SCN11A: variants seen among roughly 807,000 people sequenced by gnomAD.
SCN11A encodes sodium voltage-gated channel alpha subunit 11, also known as sodium channel protein type 11 subunit alpha.
In SCN11A, 122 loss-of-function variants were observed where a neutral mutation model predicts 162.2. The ratio of observed to expected loss-of-function variants is 0.75; its 90% CI spans 0.65 to 0.87. SCN11A has a LOEUF of 0.87. Among genes scored for constraint, SCN11A ranks in the 40% least tolerant of loss-of-function variants. The pLI is 0.00. For synonymous variants in SCN11A, 758 were observed against 751.5 expected (o/e 1.01, Z -0.14); for missense variants, 2,015 against 2,181.6 (o/e 0.92, Z 1.52).
At chr3:38,926,665 A>G in intron 8 of SCN11A, 138 bp downstream of exon 8, 1 of 880,888 alleles carries the variant, frequency 1.1e-6, no homozygotes, top group Non-Finnish European at 1.8e-6. Context: ...TTCAGGGCCA[A>G]CCAACACAGC....
At chr3:38,906,074 A>G (rs568866588) in intron 14 of SCN11A, among the ~76,000 whole-genome samples, 1 of 152,240 alleles carries the variant, frequency 6.6e-6, no homozygotes, top group South Asian at 2.1e-4. Flanking sequence ...ATCTCTCCCT[A>G]TTACTACAGC....
intron 27 of SCN11A, 96 bp downstream of exon 27, chr3:38,867,225 C>G: frequency 8.3e-7 from 1 of 1,199,754 alleles, no homozygotes; most frequent in South Asian, 1.3e-5. Context: ...ATCATAAAGG[C>G]TACTTTGTAT....
chr3:38,969,763 G>A (rs898574690), intron 2 of SCN11A, among the ~76,000 whole-genome samples: 1 of 152,190 alleles, frequency 6.6e-6, no homozygotes, highest in Non-Finnish European at 1.5e-5. Flanking sequence ...TCTGATAACC[G>A]AAGTTCAAGC....
chr3:38,990,770 G>A (rs1348990505), intron 2 of SCN11A, among the ~76,000 whole-genome samples: 1 of 152,108 alleles, frequency 6.6e-6, no homozygotes, highest in Non-Finnish European at 1.5e-5. Flanking sequence ...GGCATGAAAA[G>A]GTTAAGAAAC....
At chr3:38,852,555 G>A (rs1164704310) in intron 28 of SCN11A, among the ~76,000 whole-genome samples, 1 of 152,178 alleles carries the variant, frequency 6.6e-6, no homozygotes, top group Non-Finnish European at 1.5e-5. Flanking sequence ...CTATACCTCA[G>A]TATGAATTTT....
At chr3:38,881,539 C>T (rs1241781279) in intron 22 of SCN11A, among the ~76,000 whole-genome samples, 1 of 152,160 alleles carries the variant, frequency 6.6e-6, no homozygotes, top group African/African-American at 2.4e-5. Context: ...CATTTTCTGA[C>T]ACAGGAAGCT....
At position 38,897,108 on chromosome 3, in the gene SCN11A, T is replaced by C; in HGVS notation, c.2140A>G (p.Ile714Val). Residue 714 changes from isoleucine to valine, a missense_variant, in exon 18 of 30, where the codon ATT (isoleucine) becomes GTT (valine). By Grantham distance (29) the Ile-to-Val change is conservative. Coordinates refer to ENST00000302328, the MANE Select transcript of SCN11A (RefSeq NM_001349253.2). ...LTVVLVIVIF[I>V]FSVVGMQLFG... The stretch of plus-strand genomic sequence containing the variant: ...AGCTGCATGCCAACTACTGAGAAAA[T>C]AAAGATCACAATGACCAGGACCACA... 1 of 1,613,844 alleles carries C rather than the reference T, an allele frequency of 6.2e-7. No individual in the cohort carries two copies.
chr3:39,002,030 C>A (rs186286019), intron 2 of SCN11A, among the ~76,000 whole-genome samples: 8 of 151,474 alleles, frequency 5.3e-5, no homozygotes, highest in African/African-American at 7.3e-5. Flanking sequence ...GAGTGAGACT[C>A]CGTCTCAAAA....
intron 2 of SCN11A, among the ~76,000 whole-genome samples, chr3:39,003,724 G>C (rs549701048): frequency 6.6e-6 from 1 of 152,102 alleles, no homozygotes; most frequent in Non-Finnish European, 1.5e-5. Context: ...TAGCCATTCT[G>C]ACTGGTGTGA....
chr3:39,010,366 G>A (rs2031092386), intron 2 of SCN11A, among the ~76,000 whole-genome samples: 1 of 145,778 alleles, frequency 6.9e-6, no homozygotes, highest in African/African-American at 2.7e-5. Context: ...ACAAACAGAA[G>A]TTTTAGTTTT....
At chr3:38,953,048 G>T (rs2125579832) in intron 4 of SCN11A, among the ~76,000 whole-genome samples, 2 of 150,234 alleles carry the variant, frequency 1.3e-5, no homozygotes, top group Admixed American at 6.6e-5. Context: ...TATCAGATTT[G>T]TTTTTTTTTG....
intron 2 of SCN11A, among the ~76,000 whole-genome samples, chr3:38,965,592 T>C (rs1352263227): frequency 1.1e-4 from 16 of 152,214 alleles, no homozygotes; most frequent in Admixed American, 1.0e-3. Flanking sequence ...TGACCAGACC[T>C]TGTGGCCACT....
At chr3:39,013,843 T>C (rs949948269) in intron 2 of SCN11A, among the ~76,000 whole-genome samples, 1 of 152,234 alleles carries the variant, frequency 6.6e-6, no homozygotes, top group African/African-American at 2.4e-5. Context: ...TTCTCATACC[T>C]GGTTGCCATT....
intron 1 of SCN11A, among the ~76,000 whole-genome samples, chr3:39,038,783 C>T (rs1429930214): frequency 1.3e-5 from 2 of 148,272 alleles, no homozygotes; most frequent in African/African-American, 5.2e-5. Context: ...TCACACCCTA[C>T]ATACAATAGT....
chr3:38,982,455 G>A (rs1473186554), intron 2 of SCN11A, among the ~76,000 whole-genome samples: 1 of 152,180 alleles, frequency 6.6e-6, no homozygotes, highest in African/African-American at 2.4e-5. Context: ...AACAGTGGGT[G>A]AGCCCCTGAC....
At chr3:39,045,476 G>T (rs943977273) in intron 1 of SCN11A, among the ~76,000 whole-genome samples, 8 of 152,170 alleles carry the variant, frequency 5.3e-5, no homozygotes, top group Non-Finnish European at 1.0e-4. Context: ...GGGATGCAAG[G>T]ATGATTCAAC....
At chr3:38,870,162 C>G (rs2065101750) in intron 26 of SCN11A, among the ~76,000 whole-genome samples, 1 of 152,162 alleles carries the variant, frequency 6.6e-6, no homozygotes, top group Admixed American at 6.6e-5. Context: ...GAGTGCAATT[C>G]CAACTTTGGG....
chr3:38,972,651 C>T (rs73828782), intron 2 of SCN11A, among the ~76,000 whole-genome samples: 2,411 of 151,954 alleles, frequency 0.016, 67 homozygotes, highest in African/African-American at 0.056. Flanking sequence ...CACTGAGGTA[C>T]ACTGAGTTTT....
chr3:38,906,445 G>A (rs56072018), intron 14 of SCN11A, among the ~76,000 whole-genome samples: 7,627 of 152,012 alleles, frequency 0.05, 269 homozygotes, highest in Non-Finnish European at 0.077. Flanking sequence ...ATTCAAAACT[G>A]AATGAGCCAT....
Sources: allele counts gnomAD v4.1 joint callset (sites outside exome capture counted in the v4.1 genomes callset), GRCh38; gene constraint gnomAD v4.1.1; transcripts MANE v1.5; gene names NCBI Gene and HGNC (gene_info 2026-07-23, HGNC 2026-07-21).